The following RGS6 variants were observed in gnomAD, a reference collection of about 807,000 sequenced individuals.
RGS6 encodes the protein regulator of G-protein signaling 6.
RGS6 carries 30 observed loss-of-function variants against 78.5 expected under a neutral mutation model. The ratio of observed to expected loss-of-function variants is 0.38; its 90% CI spans 0.29 to 0.52. The LOEUF (loss-of-function observed/expected upper bound fraction) is 0.52, where lower values mean the gene tolerates loss of function less well. Ranked by LOEUF, RGS6 falls within the 20% of genes least tolerant of loss-of-function variation. RGS6 has a pLI of 0.85. For missense variants in RGS6, 495 were observed against 609.7 expected, an observed-to-expected ratio of 0.81 and a Z score of 1.98; for synonymous variants, 206 against 206.0, an observed-to-expected ratio of 1.00 and a Z score of 0.00.
chr14:72,543,185 T>C (rs192888994), intron 17 of RGS6, among the ~76,000 whole-genome samples: 20 of 152,318 alleles, frequency 1.3e-4, no homozygotes, highest in African/African-American at 4.6e-4. Context: ...TAGCCTACCA[T>C]GTACGTTCAT....
chr14:72,120,411 G>A (rs530030278), intron 2 of RGS6, among the ~76,000 whole-genome samples: 21 of 152,140 alleles, frequency 1.4e-4, no homozygotes, highest in Non-Finnish European at 3.1e-4. Context: ...CATTCCTGTA[G>A]CAATCCCTGA....
intron 2 of RGS6, among the ~76,000 whole-genome samples, chr14:71,982,090 A>G (rs569129246): frequency 6.6e-6 from 1 of 152,296 alleles, no homozygotes; most frequent in Non-Finnish European, 1.5e-5. Context: ...TAGGAAAGGG[A>G]ACTCCCTGAC....
chr14:72,207,783 T>C (rs535487734), intron 2 of RGS6, among the ~76,000 whole-genome samples: 1 of 152,234 alleles, frequency 6.6e-6, no homozygotes. Context: ...CTCTCCCTTT[T>C]CCTGACAAAA....
intron 3 of RGS6, among the ~76,000 whole-genome samples, chr14:72,430,652 G>T (rs539715428): frequency 6.6e-6 from 1 of 152,174 alleles, no homozygotes; most frequent in Non-Finnish European, 1.5e-5. Flanking sequence ...GTATGTTCCT[G>T]GCACCTGCAG....
the RGS6 span, among the ~76,000 whole-genome samples, chr14:71,890,743 A>G: frequency 6.6e-6 from 1 of 152,224 alleles, no homozygotes; most frequent in Non-Finnish European, 1.5e-5. Flanking sequence ...ATGAGTCACA[A>G]CAGAATTTGA....
intron 2 of RGS6, among the ~76,000 whole-genome samples, chr14:72,178,841 A>G (rs1285159253): frequency 6.6e-6 from 1 of 152,226 alleles, no homozygotes; most frequent in Non-Finnish European, 1.5e-5. Context: ...AAATAGTTCA[A>G]ACTTTCAGAC....
chr14:71,974,925 G>A (rs2094024768), intron 2 of RGS6, among the ~76,000 whole-genome samples: 1 of 152,160 alleles, frequency 6.6e-6, no homozygotes, highest in South Asian at 2.1e-4. Context: ...AAGATCACTT[G>A]GCCCAAGAGT....
At chr14:72,157,909 G>T (rs916817794) in intron 2 of RGS6, among the ~76,000 whole-genome samples, 1 of 151,802 alleles carries the variant, frequency 6.6e-6, no homozygotes, top group African/African-American at 2.4e-5. Context: ...TTGTTACATA[G>T]GTATACATGT....
At chr14:72,395,010 C>A (rs1273258732) in intron 3 of RGS6, among the ~76,000 whole-genome samples, 1 of 152,134 alleles carries the variant, frequency 6.6e-6, no homozygotes, top group East Asian at 1.9e-4. Flanking sequence ...TTTGGGGTCC[C>A]TGACTTCCTG....
chr14:71,942,735 C>T (rs2090823577), intron 1 of RGS6, among the ~76,000 whole-genome samples: 1 of 152,034 alleles, frequency 6.6e-6, no homozygotes, highest in South Asian at 2.1e-4. Flanking sequence ...ATGTGGCTAC[C>T]TTTTATATAG....
At chr14:72,205,918 G>A (rs1567466335) in intron 2 of RGS6, among the ~76,000 whole-genome samples, 2 of 152,202 alleles carry the variant, frequency 1.3e-5, no homozygotes, top group Non-Finnish European at 2.9e-5. Flanking sequence ...TCTGCTGGGA[G>A]TATAAATTGG....
At chr14:72,383,330 A>C (rs1488813139) in intron 3 of RGS6, among the ~76,000 whole-genome samples, 1 of 151,804 alleles carries the variant, frequency 6.6e-6, no homozygotes, top group Non-Finnish European at 1.5e-5. Flanking sequence ...TACTTGCAGA[A>C]GATGAATTTG....
At chr14:72,341,313 A>C (rs2076948818) in intron 2 of RGS6, among the ~76,000 whole-genome samples, 1 of 152,132 alleles carries the variant, frequency 6.6e-6, no homozygotes, top group Non-Finnish European at 1.5e-5. Flanking sequence ...AAACTGACTC[A>C]CTTTCATGAG....
At chr14:72,032,893 T>TAATA (rs2091127385) in intron 2 of RGS6, among the ~76,000 whole-genome samples, 1 of 152,224 alleles carries the variant, frequency 6.6e-6, no homozygotes. Flanking sequence ...ACTTGGCTAT[T>TAATA]GTGAATAATG....
chr14:72,339,825 C>T (rs991213543), intron 2 of RGS6, among the ~76,000 whole-genome samples: 3 of 152,178 alleles, frequency 2.0e-5, no homozygotes, highest in Admixed American at 6.5e-5. Context: ...GGGATCTTTG[C>T]TGCTGGGTCT....
chr14:72,152,704 T>C (rs1408274326), intron 2 of RGS6, among the ~76,000 whole-genome samples: 1 of 152,080 alleles, frequency 6.6e-6, no homozygotes, highest in African/African-American at 2.4e-5. Flanking sequence ...ATGGGGCATA[T>C]TTAGAAGTTA....
At chr14:72,325,692 T>TA (rs1343638959) in intron 2 of RGS6, among the ~76,000 whole-genome samples, 3 of 152,022 alleles carry the variant, frequency 2.0e-5, no homozygotes, top group Non-Finnish European at 1.5e-5. Context: ...TGAATAAAAT[T>TA]AAAAAACAAC....
chr14:71,930,014 G>A (rs1425895429), upstream of RGS6, among the ~76,000 whole-genome samples: 3 of 152,144 alleles, frequency 2.0e-5, no homozygotes, highest in African/African-American at 7.2e-5. Context: ...AGGAACTGTG[G>A]TTCCTTTCAG....
intron 2 of RGS6, among the ~76,000 whole-genome samples, chr14:72,115,944 G>A (rs2095875501): frequency 6.6e-6 from 1 of 152,176 alleles, no homozygotes; most frequent in Admixed American, 6.5e-5. Flanking sequence ...TCCAGCTAGG[G>A]CACTAAGTTC....
Sources: gnomAD v4.1 joint callset for allele counts (sites outside exome capture counted in the v4.1 genomes callset) on GRCh38, gnomAD v4.1.1 for gene constraint, MANE v1.5 for transcripts, NCBI Gene and HGNC (gene_info 2026-07-23, HGNC 2026-07-21) for gene names.